Variants in CCDC39 observed in about 807,000 individuals in gnomAD.
CCDC39 encodes coiled-coil domain-containing protein 39.
Under a neutral mutation model 121.0 loss-of-function variants are expected in CCDC39, and 113 were observed. That is an observed-to-expected ratio of 0.93 (90% CI 0.80 to 1.09). The LOEUF is 1.09. CCDC39 is among the 50% of genes least tolerant of loss of function. CCDC39 has a pLI of 0.00. For missense variants in CCDC39, 1,063 were observed against 1,074.7 expected, an observed-to-expected ratio of 0.99 and a Z score of 0.15; for synonymous variants, 349 against 352.2, an observed-to-expected ratio of 0.99 and a Z score of 0.10.
intron 14 of CCDC39, among the ~76,000 whole-genome samples, chr3:180,624,991 A>G (rs917348830): frequency 2.0e-5 from 3 of 151,972 alleles, no homozygotes; most frequent in Admixed American, 6.5e-5. Context: ...TCTGATTACA[A>G]TACACCATGA....
intron 11 of CCDC39, among the ~76,000 whole-genome samples, chr3:180,645,237 T>C (rs1718043253): frequency 6.6e-6 from 1 of 152,172 alleles, no homozygotes; most frequent in Admixed American, 6.5e-5. Flanking sequence ...TCAGCTATTA[T>C]TAATTACATA....
Position 180,627,214 on chromosome 3 carries a change from G to A in CCDC39, c.1998+4255C>T, listed in dbSNP as rs149828433. Among the ~76,000 whole-genome samples, 723 of 152,172 alleles carry A rather than the reference G, an allele frequency of 4.8e-3. 5 individuals are homozygous for A. Among genetic ancestry groups the A allele is most frequent in the African/African-American group, 0.017 (692 of 41,496 alleles). On this transcript the variant is annotated intron_variant, in intron 14 of 19. Transcript: ENST00000476379. Reference sequence around the variant, plus strand: ...CATTTTCACTGGCATTTATTTTATCGTGCTTCAGAACATTAGTTACACATA... The same window carrying A: ...CATTTTCACTGGCATTTATTTTATCATGCTTCAGAACATTAGTTACACATA...
intron 6 of CCDC39, among the ~76,000 whole-genome samples, chr3:180,655,998 C>T (rs1711567948): frequency 6.6e-6 from 1 of 152,054 alleles, no homozygotes; most frequent in Non-Finnish European, 1.5e-5. Context: ...GTTCTGAAAT[C>T]AACAGGTTTT....
chr3:180,620,106 G>A (rs1717394145), intron 14 of CCDC39, 136 bp from the exon 15 acceptor site: 1 of 567,086 alleles, frequency 1.8e-6, no homozygotes, highest in Non-Finnish European at 2.8e-6. Flanking sequence ...ATGGCACCAA[G>A]CATTTATTTG....
At chr3:180,676,206 C>T (rs553580438) in intron 1 of CCDC39, among the ~76,000 whole-genome samples, 1 of 152,262 alleles carries the variant, frequency 6.6e-6, no homozygotes, top group South Asian at 2.1e-4. Flanking sequence ...AATGAACAGG[C>T]AAACTACAGA....
At chr3:180,618,118 A>G (rs1655308328) in intron 16 of CCDC39, among the ~76,000 whole-genome samples, 1 of 152,174 alleles carries the variant, frequency 6.6e-6, no homozygotes, top group African/African-American at 2.4e-5. Flanking sequence ...TAGCCTAGGA[A>G]CAATAGGCTA....
intron 16 of CCDC39, among the ~76,000 whole-genome samples, chr3:180,617,188 G>C (rs929085465): frequency 1.3e-5 from 2 of 152,052 alleles, no homozygotes; most frequent in Admixed American, 6.6e-5. Context: ...CTGTTACCTA[G>C]CGACATTGTA....
At chr3:180,659,907 TTTC>T (rs1711701148) in intron 4 of CCDC39, 138 bp from the exon 5 acceptor site, 3 of 522,364 alleles carry the variant, frequency 5.7e-6, no homozygotes, top group Non-Finnish European at 6.2e-6. Flanking sequence ...AATAAATATC[TTTC>T]TTATCTTTTA....
chr3:180,641,874 G>A lies in CCDC39; in HGVS notation c.1874+119C>T, dbSNP rs1717961120. The A allele has an allele frequency of 6.5e-6, 4 of 612,276 alleles. No individual in the cohort carries two copies. The East Asian group carries it at 1.1e-4, about 17-fold the overall frequency. 37.9% of individuals were successfully genotyped at this position (612,276 alleles called of 1,614,324 possible). ...AACATGCCCTATGTCTTTCTTATATGAAAAGCCATTTCGAATGAGTAAAAA... is the reference window on the plus strand; with the variant it reads ...AACATGCCCTATGTCTTTCTTATATAAAAAGCCATTTCGAATGAGTAAAAA... On this transcript the variant is annotated intron_variant, in intron 13 of 19. Transcript: ENST00000476379.
chr3:180,645,726 G>A (rs887160431), intron 11 of CCDC39, among the ~76,000 whole-genome samples: 1 of 152,120 alleles, frequency 6.6e-6, no homozygotes, highest in Non-Finnish European at 1.5e-5. Flanking sequence ...ATTGAAAAGA[G>A]CAGCTCTTCA....
intron 13 of CCDC39, among the ~76,000 whole-genome samples, chr3:180,635,486 C>T (rs116816332): frequency 0.02 from 3,081 of 152,298 alleles, 53 homozygotes; most frequent in Non-Finnish European, 0.03. Context: ...CGAGTTGCTT[C>T]CAAGATACAA....
At chr3:180,616,468 A>G (rs774778756) in intron 18 of CCDC39, 48 bp downstream of exon 18, 2 of 1,501,096 alleles carry the variant, frequency 1.3e-6, no homozygotes, top group Non-Finnish European at 8.9e-7. Flanking sequence ...GAAAGTTTTT[A>G]TTTTCATGAA....
At chr3:180,656,704 T>C (rs997982451) in intron 6 of CCDC39, among the ~76,000 whole-genome samples, 4 of 149,944 alleles carry the variant, frequency 2.7e-5, no homozygotes, top group South Asian at 2.1e-4. Context: ...ATTAAAAAGT[T>C]TGCAGTAAAG....
At chr3:180,649,031 T>C (rs1233017550) in intron 9 of CCDC39, among the ~76,000 whole-genome samples, 1 of 152,212 alleles carries the variant, frequency 6.6e-6, no homozygotes, top group Admixed American at 6.5e-5. Flanking sequence ...GTGCTGAGTA[T>C]GTATTACTTT....
rs775659100 is a variant in CCDC39, at chr3:180,654,876, C to T, written c.816G>A (p.Glu272=). ...VKEKIKFLES[E]IGNNTEFEKR... ...TCTCAAACTCTGTGTTATTCCCAAT[C>T]TCACTTTCCAAAAACTTGATCTTTT... Residue 272 remains glutamate, a synonymous_variant, in exon 7 of 20, where the codon GAG becomes GAA. Coordinates refer to ENST00000476379, the MANE Select transcript of CCDC39 (RefSeq NM_181426.2). The T allele has an allele frequency of 6.3e-7, 1 of 1,596,936 alleles. No homozygotes were observed. The highest frequency in any genetic ancestry group is 1.8e-5 in the Admixed American group (1 of 56,936).
rs1711685271 is a variant in CCDC39 at position 180,659,493 on chromosome 3, G to C, written c.697C>G (p.Gln233Glu). 1 of 1,613,478 alleles carries C rather than the reference G, an allele frequency of 6.2e-7. No individual in the cohort carries two copies. Among genetic ancestry groups the C allele is most frequent in the South Asian group, 1.1e-5 (1 of 91,064 alleles). Residue 233 changes from glutamine (Q) to glutamate (E), a missense_variant, in exon 6 of 20, where the codon CAG becomes GAG. Coordinates refer to ENST00000476379, the MANE Select transcript of CCDC39 (RefSeq NM_181426.2). Reference protein sequence around the residue: ...LIKQWENTIEQMQKRDGDIDN... With the variant: ...LIKQWENTIEEMQKRDGDIDN... ...ATGTCTCCATCCCTCTTCTGCATCT[G>C]TTCTATTGTGTTCTCCCATTGTTTA...
At chr3:180,656,215 T>C (rs1187136056) in intron 6 of CCDC39, among the ~76,000 whole-genome samples, 1 of 152,216 alleles carries the variant, frequency 6.6e-6, no homozygotes, top group Non-Finnish European at 1.5e-5. Flanking sequence ...CAGAGTTTCT[T>C]GCCTTATGAT....
intron 2 of CCDC39, among the ~76,000 whole-genome samples, chr3:180,663,266 T>C (rs1181776690): frequency 6.6e-6 from 1 of 152,182 alleles, no homozygotes; most frequent in Non-Finnish European, 1.5e-5. Context: ...AGAAATTTTA[T>C]TATGTATTAT....
intron 7 of CCDC39, among the ~76,000 whole-genome samples, chr3:180,654,362 G>GCTC (rs1490164773): frequency 6.6e-6 from 1 of 151,302 alleles, no homozygotes; most frequent in Non-Finnish European, 1.5e-5. Flanking sequence ...CAGGAGAAAA[G>GCTC]CTCCTTGACA....
Sources: gnomAD v4.1 joint callset for allele counts (sites outside exome capture counted in the v4.1 genomes callset) on GRCh38, gnomAD v4.1.1 for gene constraint, MANE v1.5 for transcripts, NCBI Gene and HGNC (gene_info 2026-07-23, HGNC 2026-07-21) for gene names.